C6orf120: variants seen among roughly 807,000 people sequenced by gnomAD.
C6orf120 encodes the protein chromosome 6 open reading frame 120, also known as UPF0669 protein C6orf120.
For missense variants in C6orf120, 311 were observed against 264.2 expected, an observed-to-expected ratio of 1.18 and a Z score of -1.23; for synonymous variants, 165 against 123.1, an observed-to-expected ratio of 1.34 and a Z score of -2.25.
At chr6:169,702,196 G>A (rs746664337) in exon 1 of C6orf120, 1 of 674,020 alleles carries the variant, frequency 1.5e-6, no homozygotes, top group South Asian at 1.5e-5. Flanking sequence ...GGGGAGTGGT[G>A]GTGAGTCCGA....
exon 1 of C6orf120, chr6:169,702,811 G>A (rs769096232): frequency 6.2e-7 from 1 of 1,612,712 alleles, no homozygotes; most frequent in Non-Finnish European, 8.5e-7. Flanking sequence ...GGGCATCGGC[G>A]TCTATGGACA....
Position 169,702,522 on chromosome 6 carries a change from G to C in C6orf120, c.63G>C (p.Ser21=), listed in dbSNP as rs761315770. Residue 21 remains serine (S), a synonymous_variant, in exon 1 of 1, where the codon TCG becomes TCC. Transcript: ENST00000332290. Reference sequence around the variant, plus strand: ...CGGCCCTGCTGCTGCTCCTAGCCTCGCAGGTCCTGTCTCCGGGAAGCTGCG... The same window carrying C: ...CGGCCCTGCTGCTGCTCCTAGCCTCCCAGGTCCTGTCTCCGGGAAGCTGCG... The C allele has an allele frequency of 3.1e-6, 5 of 1,609,670 alleles. No individual in the cohort carries two copies. In the Admixed American group the frequency reaches 6.7e-5, roughly 22 times the overall value.
At chr6:169,702,224 T>C (rs894887533) in exon 1 of C6orf120, 22 of 680,522 alleles carry the variant, frequency 3.2e-5, no homozygotes, top group Non-Finnish European at 5.1e-5. Context: ...ACAGCGGCCC[T>C]GCCCCTGCCC....
chr6:169,705,629 T>C (rs4286788), downstream of C6orf120: 1,204 of 1,467,854 alleles, frequency 8.2e-4, 3 homozygotes, highest in African/African-American at 0.015. Flanking sequence ...TATTCTCACA[T>C]TGGGAGCAGT....
chr6:169,705,197 C>T, downstream of C6orf120: 3 of 1,613,836 alleles, frequency 1.9e-6, no homozygotes, highest in Non-Finnish European at 2.5e-6. Context: ...TATCACAGAA[C>T]ATCATTTCTT....
exon 1 of C6orf120, chr6:169,703,913 A>G (rs1585293242): frequency 1.4e-5 from 16 of 1,115,036 alleles, no homozygotes; most frequent in Non-Finnish European, 2.0e-5. Context: ...AATTTGCAAA[A>G]AAAATCTTTT....
exon 1 of C6orf120, chr6:169,703,135 C>T: frequency 3.9e-6 from 5 of 1,270,556 alleles, no homozygotes; most frequent in Non-Finnish European, 5.4e-6. Context: ...GTTCTAGGTA[C>T]CTTTAGTCAA....
exon 1 of C6orf120, chr6:169,702,441 C>T: frequency 6.8e-7 from 1 of 1,468,142 alleles, no homozygotes; most frequent in African/African-American, 1.4e-5. Context: ...TTGCAGGCCC[C>T]GGAGCTGAGC....
chr6:169,704,253 TTAATCAATG>T (rs1423211250), exon 1 of C6orf120: 2 of 552,770 alleles, frequency 3.6e-6, no homozygotes, highest in Admixed American at 4.1e-5. Flanking sequence ...AAATGTAAAC[TTAATCAATG>T]TAATCAATGC....
At position 169,702,627 on chromosome 6, in the gene C6orf120, C is replaced by A. The variant is rs770903867; in HGVS notation, c.168C>A (p.Tyr56Ter). The stretch of plus-strand genomic sequence containing the variant: ...AGATAGGCGCCGGGAACTACAGCTA[C>A]CTGCGGCTGAACCACGAGGGCAAGA... The change falls in exon 1 of 1, where the codon TAC becomes TAA. Residue 56 changes from tyrosine (Y) to a stop codon, truncating the protein, a stop_gained. Coordinates refer to ENST00000332290, the Ensembl canonical transcript of C6orf120. LOFTEE classifies it low-confidence loss of function (END_TRUNC). 2.5e-6 allele frequency: 4 copies of A among 1,613,260 alleles called. No individual in the cohort carries two copies. The highest frequency in any genetic ancestry group is 2.7e-5 in the African/African-American group (2 of 74,938).
exon 1 of C6orf120, chr6:169,703,965 A>G (rs371983940): frequency 4.2e-6 from 6 of 1,434,160 alleles, no homozygotes; most frequent in Non-Finnish European, 5.7e-6. Context: ...CAAATATTCC[A>G]CTTAAATGCA....
At chr6:169,702,721 A>G (rs372141955) in exon 1 of C6orf120, 22 of 1,613,516 alleles carry the variant, frequency 1.4e-5, no homozygotes, top group Non-Finnish European at 1.9e-5. Context: ...CCTGCACCCC[A>G]GCTTCGACGA....
chr6:169,706,259 T>C (rs915584431), downstream of C6orf120, among the ~76,000 whole-genome samples: 2 of 152,228 alleles, frequency 1.3e-5, no homozygotes, highest in African/African-American at 4.8e-5. Context: ...AATTGAAAGA[T>C]GTCTCATGCA....
At chr6:169,704,210 G>C in exon 1 of C6orf120, 1 of 662,366 alleles carries the variant, frequency 1.5e-6, no homozygotes, top group Non-Finnish European at 2.4e-6. Context: ...TTTGTGGTGA[G>C]AAGGGCACTA....
downstream of C6orf120, chr6:169,705,065 C>A: frequency 8.3e-7 from 1 of 1,202,744 alleles, no homozygotes; most frequent in Non-Finnish European, 1.2e-6. Context: ...AGCGTTTATG[C>A]AGCCTTTTGG....
At chr6:169,702,821 A>C in exon 1 of C6orf120, 1 of 1,612,416 alleles carries the variant, frequency 6.2e-7, no homozygotes. Context: ...GTCTATGGAC[A>C]CCCCTCCCAC....
exon 1 of C6orf120, chr6:169,702,539 G>C: frequency 5.0e-6 from 8 of 1,612,098 alleles, no homozygotes; most frequent in Non-Finnish European, 6.8e-6. Context: ...CTGTCTCCGG[G>C]AAGCTGCGCG....
chr6:169,706,335 A>C (rs1363058555), downstream of C6orf120, among the ~76,000 whole-genome samples: 2 of 152,186 alleles, frequency 1.3e-5, no homozygotes, highest in African/African-American at 2.4e-5. Flanking sequence ...TTGCATGTCT[A>C]ATAAAAGAAT....
At chr6:169,702,257 C>T in exon 1 of C6orf120, 1 of 691,624 alleles carries the variant, frequency 1.4e-6, no homozygotes, top group South Asian at 1.5e-5. Flanking sequence ...TGAGTGGGCG[C>T]CGCGCTACGG....
Sources: allele counts gnomAD v4.1 joint callset (sites outside exome capture counted in the v4.1 genomes callset), GRCh38; gene constraint gnomAD v4.1.1; transcripts MANE v1.5; gene names NCBI Gene and HGNC (gene_info 2026-07-23, HGNC 2026-07-21).